RNF180: variants seen among roughly 807,000 people sequenced by gnomAD.
RNF180 encodes ring finger protein 180, also known as E3 ubiquitin-protein ligase RNF180.
In RNF180, 38 loss-of-function variants were observed where a neutral mutation model predicts 59.2. The ratio of observed to expected loss-of-function variants is 0.64; its 90% CI spans 0.50 to 0.84. The LOEUF (loss-of-function observed/expected upper bound fraction) is 0.84, where lower values mean the gene tolerates loss of function less well. Among genes scored for constraint, RNF180 ranks in the 40% least tolerant of loss-of-function variants. The pLI is 0.00. For synonymous variants in RNF180, 262 were observed against 240.3 expected, an observed-to-expected ratio of 1.09 and a Z score of -0.84; for missense variants, 705 against 700.9, an observed-to-expected ratio of 1.01 and a Z score of -0.07.
At chr5:64,179,175 A>C (rs1052983578) in intron 1 of RNF180, among the ~76,000 whole-genome samples, 1 of 152,188 alleles carries the variant, frequency 6.6e-6, no homozygotes. Flanking sequence ...TGGGATAGAA[A>C]ATATGTGGTT....
At position 64,349,587 on chromosome 5, in the gene RNF180, C is replaced by A. The variant is rs945114165; in HGVS notation, c.1579+19181C>A. On this transcript the variant is annotated intron_variant, in intron 7 of 7. Transcript: ENST00000389100. The stretch of plus-strand genomic sequence containing the variant: ...TAATATGCTATCTCTCCCCCCTTGC[C>A]CCCCACCACACCATGACAGGCCCCA... 1.8e-3 allele frequency among the ~76,000 whole-genome samples: 278 copies of A among 151,976 alleles called. 4 individuals carry two copies. The highest frequency in any genetic ancestry group is 4.3e-3 in the East Asian group (22 of 5,144).
At chr5:64,268,812 G>C (rs954790893) in intron 5 of RNF180, among the ~76,000 whole-genome samples, 1 of 152,112 alleles carries the variant, frequency 6.6e-6, no homozygotes, top group Admixed American at 6.6e-5. Context: ...CCTGACTTCA[G>C]TCCCTCTAAA....
rs139073380 is a variant in RNF180 at position 64,222,350 on chromosome 5, A to G, written c.1227+4954A>G. Among the ~76,000 whole-genome samples the G allele has an allele frequency of 5.9e-5, 9 of 152,216 alleles. No individual in the cohort carries two copies. The East Asian group carries it at 1.7e-3, about 29-fold the overall frequency. On this transcript the variant is annotated intron_variant, in intron 5 of 7. Coordinates refer to ENST00000389100, the MANE Select transcript of RNF180 (RefSeq NM_001113561.2). ...TGTGCACAATGTGCACGTTAGTTAC[A>G]TATGTATACATGTGCCATGTTGGTG...
intron 7 of RNF180, among the ~76,000 whole-genome samples, chr5:64,336,384 G>GTCTA (rs1259064900): frequency 6.7e-6 from 1 of 149,482 alleles, no homozygotes; most frequent in Non-Finnish European, 1.5e-5. Context: ...ACCATATTTT[G>GTCTA]TCTATCTATT....
intron 7 of RNF180, among the ~76,000 whole-genome samples, chr5:64,366,475 A>G (rs933472197): frequency 6.6e-6 from 1 of 151,408 alleles, no homozygotes; most frequent in African/African-American, 2.4e-5. Context: ...TATTCGCTGG[A>G]TTTGAATGTT....
intron 7 of RNF180, among the ~76,000 whole-genome samples, chr5:64,356,543 T>C (rs1580304491): frequency 6.6e-6 from 1 of 151,854 alleles, no homozygotes; most frequent in Admixed American, 6.6e-5. Flanking sequence ...AAAAGATAGT[T>C]GTATGCCAAT....
chr5:64,345,456 C>A (rs985561108), intron 7 of RNF180, among the ~76,000 whole-genome samples: 6 of 152,040 alleles, frequency 3.9e-5, no homozygotes, highest in Non-Finnish European at 7.4e-5. Flanking sequence ...TCAGGAAATA[C>A]CATAATAACC....
chr5:64,242,240 G>C (rs745604564), intron 5 of RNF180, among the ~76,000 whole-genome samples: 2 of 152,168 alleles, frequency 1.3e-5, no homozygotes, highest in African/African-American at 2.4e-5. Context: ...ACCTACATCT[G>C]CCACAGAGCT....
chr5:64,346,353 TTTC>T (rs1280677500), intron 7 of RNF180, among the ~76,000 whole-genome samples: 19 of 148,462 alleles, frequency 1.3e-4, no homozygotes, highest in African/African-American at 4.5e-4. Context: ...CTTTTTTTCT[TTTC>T]TTCTTTTTTT....
At chr5:64,262,262 A>G (rs891205443) in intron 5 of RNF180, among the ~76,000 whole-genome samples, 1 of 152,194 alleles carries the variant, frequency 6.6e-6, no homozygotes, top group Non-Finnish European at 1.5e-5. Flanking sequence ...CTTTAAGATT[A>G]CTTTCTTCCC....
rs775045011 is a variant in RNF180 at position 64,214,342 on chromosome 5, G to T, written c.1016G>T (p.Gly339Val). Residue 339 changes from glycine (G) to valine (V), a missense_variant, in exon 4 of 8, where the codon GGC becomes GTC. Transcript: ENST00000389100. Reference protein sequence around the residue: ...LTFLMDLPSAGRSMPEASDQE... With the variant: ...LTFLMDLPSAVRSMPEASDQE... ...TTCCTGATGGACCTGCCCTCAGCTG[G>T]CAGGAGCATGCCGGAGGCCTCAGAC... 2 of 1,614,012 alleles carry T rather than the reference G, an allele frequency of 1.2e-6. No homozygotes were observed. The highest frequency in any genetic ancestry group is 2.2e-5 in the South Asian group (2 of 91,076).
intron 5 of RNF180, among the ~76,000 whole-genome samples, chr5:64,323,689 T>C (rs908938933): frequency 6.6e-6 from 1 of 152,034 alleles, no homozygotes; most frequent in African/African-American, 2.4e-5. Flanking sequence ...GCAGAAGGGA[T>C]GGGGGAGGGT....
rs562693257 is a variant in RNF180 at position 64,323,753 on chromosome 5, G to T, written c.1228-1433G>T. 1.2e-4 allele frequency among the ~76,000 whole-genome samples: 19 copies of T among 152,202 alleles called. 1 individual carries two copies. Among genetic ancestry groups the T allele is most frequent in the Non-Finnish European group, 2.6e-4 (18 of 68,004 alleles). On this transcript the variant is annotated intron_variant, in intron 5 of 7. Transcript: ENST00000389100. ...TTGATAATTAATTACTATGTGCCAG[G>T]TGCCATACTAAATGTATTAAGTGGA...
At chr5:64,338,140 A>G (rs943740441) in intron 7 of RNF180, among the ~76,000 whole-genome samples, 29 of 152,112 alleles carry the variant, frequency 1.9e-4, no homozygotes, top group African/African-American at 7.0e-4. Context: ...ATATTTAACA[A>G]CCTTACGAAA....
At chr5:64,233,282 C>T (rs1336283192) in intron 5 of RNF180, among the ~76,000 whole-genome samples, 3 of 152,034 alleles carry the variant, frequency 2.0e-5, no homozygotes, top group Non-Finnish European at 2.9e-5. Flanking sequence ...AGTGTTAAAG[C>T]ATTAGACAGT....
At chr5:64,260,675 T>G (rs1309963456) in intron 5 of RNF180, among the ~76,000 whole-genome samples, 1 of 152,160 alleles carries the variant, frequency 6.6e-6, no homozygotes, top group African/African-American at 2.4e-5. Context: ...AGCAAAGGCC[T>G]TGGAATCAAA....
At chr5:64,353,837 T>TA (rs1745913397) in intron 7 of RNF180, among the ~76,000 whole-genome samples, 1 of 151,610 alleles carries the variant, frequency 6.6e-6, no homozygotes, top group African/African-American at 2.4e-5. Context: ...AATTCACTAA[T>TA]ACGTGGAAAT....
At chr5:64,280,294 G>T (rs1438546277) in intron 5 of RNF180, among the ~76,000 whole-genome samples, 1 of 151,774 alleles carries the variant, frequency 6.6e-6, no homozygotes, top group African/African-American at 2.4e-5. Flanking sequence ...TGTTTTTTTG[G>T]CTGTGCAGAA....
chr5:64,216,863 A>G (rs902602992), intron 4 of RNF180, among the ~76,000 whole-genome samples: 8 of 152,176 alleles, frequency 5.3e-5, no homozygotes, highest in African/African-American at 1.9e-4. Flanking sequence ...ATCATGCAAT[A>G]AAATTATTCT....
Sources: gnomAD v4.1 joint callset for allele counts (sites outside exome capture counted in the v4.1 genomes callset) on GRCh38, gnomAD v4.1.1 for gene constraint, MANE v1.5 for transcripts, NCBI Gene and HGNC (gene_info 2026-07-23, HGNC 2026-07-21) for gene names.